Variants in PBRM1 observed in about 807,000 individuals in gnomAD.
The protein encoded by PBRM1 is protein polybromo-1.
PBRM1 carries 27 observed loss-of-function variants against 194.5 expected under a neutral mutation model. The observed-to-expected ratio is 0.14, with a 90% CI of 0.10 to 0.19. The LOEUF (loss-of-function observed/expected upper bound fraction) is 0.19, where lower values mean the gene tolerates loss of function less well. PBRM1 is among the 10% of genes least tolerant of loss of function. PBRM1 has a pLI of 1.00. For missense variants in PBRM1, 1,466 were observed against 2,077.2 expected, an observed-to-expected ratio of 0.71 and a Z score of 5.72; for synonymous variants, 655 against 693.2, an observed-to-expected ratio of 0.94 and a Z score of 0.87.
At position 52,685,681 on chromosome 3, in the gene PBRM1, G is replaced by A. The variant is rs797004062; in HGVS notation, c.-13+68C>T. ...CTTCCGCCGCGGCTCCCGCCCGCCC[G>A]GGCCCACACAAAGGCCCGGCAGCTG... On this transcript the variant is annotated intron_variant, in intron 1 of 29. Coordinates refer to the PBRM1 transcript ENST00000394830. The A allele has an allele frequency of 4.1e-3, 599 of 147,768 alleles. 3 individuals carry two copies. Among genetic ancestry groups the A allele is most frequent in the South Asian group, 0.023 (109 of 4,772 alleles). The allele number at this position is 147,768 out of a possible 1,614,324, so 9.2% of individuals were successfully genotyped here.
chr3:52,567,578 A>AAG (rs1361664566), intron 22 of PBRM1, among the ~76,000 whole-genome samples: 2 of 149,350 alleles, frequency 1.3e-5, no homozygotes, highest in Admixed American at 6.7e-5. Flanking sequence ...AAAAAAAAAA[A>AAG]AAAGAAAAAA....
chr3:52,633,220 CTA>C lies in PBRM1; in HGVS notation c.1301+1380_1301+1381del, dbSNP rs2095681851. On this transcript the variant is annotated intron_variant, in intron 11 of 29. Transcript: ENST00000296302. ...TTTTTTTAATGTTCTGGATCAGCGT[CTA>C]TGTCTCTATGACTTCTGATTGCACA... is the stretch of plus-strand genomic sequence containing the variant. Among the ~76,000 whole-genome samples, 3 of 151,932 alleles carry C rather than the reference CTA, an allele frequency of 2.0e-5. No homozygotes were observed. In the South Asian group the frequency reaches 6.2e-4, roughly 31 times the overall value.
chr3:52,627,295 T>C, exon 13 of PBRM1: 3 of 1,608,382 alleles, frequency 1.9e-6, no homozygotes, highest in Non-Finnish European at 2.6e-6. Context: ...GCACTACCAG[T>C]ATCAGAGGTG....
chr3:52,582,159 T>C (rs1323292764), intron 20 of PBRM1, among the ~76,000 whole-genome samples: 3 of 150,372 alleles, frequency 2.0e-5, no homozygotes, highest in Non-Finnish European at 4.4e-5. Flanking sequence ...GGAGAATCAC[T>C]TGAACCTGGG....
At chr3:52,665,070 T>C (rs959810512) in intron 3 of PBRM1, among the ~76,000 whole-genome samples, 21 of 152,150 alleles carry the variant, frequency 1.4e-4, no homozygotes, top group African/African-American at 5.1e-4. Context: ...ACAATCATAC[T>C]GGCGGATGAC....
chr3:52,554,721 T>C lies in PBRM1; in HGVS notation c.4609+3A>G, dbSNP rs749393371. 2.6e-6 allele frequency: 4 copies of C among 1,549,074 alleles called. No homozygotes were observed. The highest frequency in any genetic ancestry group is 3.5e-6 in the Non-Finnish European group (4 of 1,155,280). ...AATGAGTGAATGAGGATGAAGTTCT[T>C]ACCCGGTGGTGGGATGCCCGGGAGG... On this transcript the variant is annotated splice_donor_region_variant and intron_variant, in intron 27 of 29. Coordinates refer to ENST00000296302, the Ensembl canonical transcript of PBRM1.
intron 8 of PBRM1, 56 bp from the exon 10 acceptor site, chr3:52,643,399 G>T (rs2096180537): frequency 9.1e-7 from 1 of 1,096,226 alleles, no homozygotes; most frequent in Non-Finnish European, 1.4e-6. Context: ...TTAGAGTGCT[G>T]GGTAAACAAA....
intron 17 of PBRM1, among the ~76,000 whole-genome samples, chr3:52,592,123 T>C (rs2093140183): frequency 2.0e-5 from 2 of 99,126 alleles, no homozygotes; most frequent in Non-Finnish European, 3.8e-5. Context: ...CTGCACCAGG[T>C]TTTTTTTTTT....
In PBRM1 at chr3:52,609,220, T is replaced by C. The variant is rs751297577; in HGVS notation, c.2567+93A>G. The C allele has an allele frequency of 1.1e-5, 11 of 967,630 alleles. No homozygotes were observed. The highest frequency in any genetic ancestry group is 2.7e-4 in the Middle Eastern group (1 of 3,702). The allele number at this position is 967,630 out of a possible 1,614,324, so 59.9% of individuals were successfully genotyped here. On this transcript the variant is annotated intron_variant, in intron 16 of 29. Coordinates refer to ENST00000296302, the Ensembl canonical transcript of PBRM1. The surrounding 1 kb of genome is among the most constrained non-coding windows in gnomAD (Gnocchi z 4.1). ...TGCTACCAACTACAAATCATGTATG[T>C]AAGTGGAAATAGTACATCAAAGCAA...
exon 4 of PBRM1, chr3:52,662,165 C>T (rs745942186): frequency 1.4e-5 from 23 of 1,613,984 alleles, no homozygotes; most frequent in Admixed American, 3.3e-5. Flanking sequence ...TTGTCTTGCC[C>T]ATCTTCATCA....
chr3:52,563,533 C>G (rs755245010), intron 23 of PBRM1, 40 bp from the exon 26 acceptor site: 1 of 1,417,916 alleles, frequency 7.1e-7, no homozygotes, highest in South Asian at 1.2e-5. Context: ...TCACCTAATG[C>G]CCCTCCAGAA....
intron 16 of PBRM1, among the ~76,000 whole-genome samples, chr3:52,604,333 G>A (rs183471145): frequency 1.3e-5 from 2 of 152,264 alleles, no homozygotes; most frequent in Non-Finnish European, 1.5e-5. Context: ...AACCAGCAAA[G>A]GCAACATAGT....
At chr3:52,673,665 C>G (rs1478830373) in intron 2 of PBRM1, among the ~76,000 whole-genome samples, 32 of 129,266 alleles carry the variant, frequency 2.5e-4, no homozygotes, top group African/African-American at 9.4e-4. Context: ...GAGTGGGACT[C>G]CATCTCAAAA....
chr3:52,676,124 AAAAAAAAAAAAAAAAAAAAAAAAAAAAAT>A, intron 2 of PBRM1, among the ~76,000 whole-genome samples: 1 of 32,564 alleles, frequency 3.1e-5, no homozygotes, highest in East Asian at 6.9e-4. Flanking sequence ...CAAAAAAAAA[AAAAAAAAAAAAAAAAAAAAAAAAAAAAAT>A]AATGAATGAA....
chr3:52,561,968 A>G (rs1285350121), exon 25 of PBRM1: 1 of 1,612,268 alleles, frequency 6.2e-7, no homozygotes, highest in South Asian at 1.1e-5. Flanking sequence ...TTTGGGGTAG[A>G]CTGTAAGACA....
intron 2 of PBRM1, among the ~76,000 whole-genome samples, chr3:52,672,492 T>C (rs1448567221): frequency 1.8e-5 from 1 of 55,868 alleles, no homozygotes; most frequent in African/African-American, 4.5e-5. Flanking sequence ...TTTTTTTGGC[T>C]TTTTTTTTTT....
At chr3:52,673,425 T>G (rs1252363542) in intron 2 of PBRM1, among the ~76,000 whole-genome samples, 1 of 150,454 alleles carries the variant, frequency 6.6e-6, no homozygotes, top group Non-Finnish European at 1.5e-5. Flanking sequence ...TCCCAGCACT[T>G]TGGGAGGCTG....
At chr3:52,566,493 C>T (rs892383369) in intron 22 of PBRM1, among the ~76,000 whole-genome samples, 2 of 152,070 alleles carry the variant, frequency 1.3e-5, no homozygotes, top group African/African-American at 4.8e-5. Context: ...GAATAAAATT[C>T]TGATATATGA....
chr3:52,603,784 A>G, intron 16 of PBRM1, 52 bp from the exon 19 acceptor site: 1 of 1,472,046 alleles, frequency 6.8e-7, no homozygotes, highest in South Asian at 1.2e-5. Context: ...TCTTTTAAAC[A>G]CCTCAATTAT....
Sources: gnomAD v4.1 joint callset for allele counts (sites outside exome capture counted in the v4.1 genomes callset) on GRCh38, gnomAD v4.1.1 for gene constraint, Gnocchi (gnomAD v3.1) non-coding constraint, MANE v1.5 for transcripts, NCBI Gene and HGNC (gene_info 2026-07-23, HGNC 2026-07-21) for gene names.